Variants in DNM2 observed in about 807,000 individuals in gnomAD.
DNM2 encodes the protein dynamin 2, also known as dynamin-2.
DNM2 carries 15 observed loss-of-function variants against 99.0 expected under a neutral mutation model. The ratio of observed to expected loss-of-function variants is 0.15; its 90% CI spans 0.10 to 0.23. The LOEUF (loss-of-function observed/expected upper bound fraction) is 0.23. DNM2 is among the 10% of genes least tolerant of loss of function. The probability of loss-of-function intolerance (pLI) is 1.00; values close to 1 mark genes in which losing one functional copy is unlikely to be tolerated. For synonymous variants in DNM2, 525 were observed against 481.2 expected, an observed-to-expected ratio of 1.09 and a Z score of -1.19; for missense variants, 742 against 1,189.4, an observed-to-expected ratio of 0.62 and a Z score of 5.53.
intron 1 of DNM2, among the ~76,000 whole-genome samples, chr19:10,738,979 T>C (rs960059703): frequency 2.0e-5 from 3 of 151,706 alleles, no homozygotes; most frequent in African/African-American, 7.3e-5. Flanking sequence ...CCATCCTGGC[T>C]AACACGGTGA....
In DNM2 at chr19:10,795,516, C is replaced by A; in HGVS notation, c.1196+77C>A. The A allele has an allele frequency of 1.3e-6, 2 of 1,518,846 alleles. No individual in the cohort carries two copies. The highest frequency in any genetic ancestry group is 1.7e-5 in the Admixed American group (1 of 59,788). 94.1% of individuals were successfully genotyped at this position (1,518,846 alleles called of 1,614,324 possible). ...CCCCCAGCTAATTGGGTCACCCACA[C>A]CTCTGAGTCCCTAATCGTTAGGCCT... On this transcript the variant is annotated intron_variant, in intron 9 of 20. Coordinates refer to ENST00000389253, the MANE Select transcript of DNM2 (RefSeq NM_001005361.3). This position sits in a 1 kb window ranked among gnomAD's most constrained non-coding sequence, Gnocchi z 4.2.
intron 15 of DNM2, among the ~76,000 whole-genome samples, chr19:10,814,087 GGGAGGT>G (rs2146121066): frequency 6.6e-6 from 1 of 152,230 alleles, no homozygotes; most frequent in South Asian, 2.1e-4. Context: ...ACCGGAACCT[GGGAGGT>G]GGAGGTGGAG....
intron 6 of DNM2, among the ~76,000 whole-genome samples, chr19:10,785,787 T>C (rs1190726029): frequency 2.6e-5 from 4 of 152,150 alleles, no homozygotes; most frequent in Non-Finnish European, 4.4e-5. Context: ...TTTGCAAGTA[T>C]AGGCTGATTT....
chr19:10,739,483 A>G (rs2069659117), intron 1 of DNM2, among the ~76,000 whole-genome samples: 1 of 152,156 alleles, frequency 6.6e-6, no homozygotes, highest in Non-Finnish European at 1.5e-5. Flanking sequence ...CCAATTTTGG[A>G]TATTTCCTAT....
At chr19:10,749,273 G>A (rs1290543460) in intron 1 of DNM2, among the ~76,000 whole-genome samples, 1 of 152,240 alleles carries the variant, frequency 6.6e-6, no homozygotes, top group South Asian at 2.1e-4. Flanking sequence ...GTCAAAAGGC[G>A]CCTGGTGGAG....
chr19:10,822,563 A>G (rs1176670584), intron 16 of DNM2, among the ~76,000 whole-genome samples: 1 of 151,486 alleles, frequency 6.6e-6, no homozygotes, highest in Non-Finnish European at 1.5e-5. Flanking sequence ...CAGTGGCACA[A>G]TCTTGGCTCA....
Position 10,831,274 on chromosome 19 carries a change from C to T in DNM2, c.*227C>T. On this transcript the variant is annotated 3_prime_UTR_variant, in exon 21 of 21. Coordinates refer to ENST00000389253, the MANE Select transcript of DNM2 (RefSeq NM_001005361.3). The surrounding 1 kb of genome is among the most constrained non-coding windows in gnomAD (Gnocchi z 4.3). ...CCAGGCAGGGGGCGCTGGGGTGTTG[C>T]ACTTTGGGGGATGGAGTCTCAGGGT... 7.7e-7 allele frequency: 1 copy of T among 1,305,102 alleles called. No homozygotes were observed. Among genetic ancestry groups the T allele is most frequent in the Non-Finnish European group, 9.7e-7 (1 of 1,029,586 alleles). The allele number at this position is 1,305,102 out of a possible 1,614,324, so 80.8% of individuals were successfully genotyped here.
intron 16 of DNM2, among the ~76,000 whole-genome samples, chr19:10,822,073 C>T (rs893508119): frequency 5.3e-5 from 8 of 152,198 alleles, no homozygotes; most frequent in East Asian, 1.9e-4. Flanking sequence ...GGAAAATGTG[C>T]GTGGCATGTG....
rs562519855 is a variant in DNM2 at position 10,826,434 on chromosome 19, C to T, written c.2058+1213C>T. On this transcript the variant is annotated intron_variant, in intron 18 of 20. Coordinates refer to ENST00000389253, the MANE Select transcript of DNM2 (RefSeq NM_001005361.3). Reference sequence around the variant, plus strand: ...CAGCCTCTTCCTCATGGGCGTCACCCGCCTGGCCCCGGGTTCCCTGGAGAC... The same window carrying T: ...CAGCCTCTTCCTCATGGGCGTCACCTGCCTGGCCCCGGGTTCCCTGGAGAC... Among the ~76,000 whole-genome samples, 29 of 152,354 alleles carry T rather than the reference C, an allele frequency of 1.9e-4. No homozygotes were observed. The South Asian group carries it at 6.0e-3, about 32-fold the overall frequency.
chr19:10,734,617 C>T (rs966164645), intron 1 of DNM2, among the ~76,000 whole-genome samples: 6 of 104,610 alleles, frequency 5.7e-5, no homozygotes, highest in African/African-American at 2.4e-4. Flanking sequence ...CCAGCCCGGG[C>T]AACAGAGCCA....
chr19:10,757,943 CAAAAAA>C (rs762600168), intron 1 of DNM2, among the ~76,000 whole-genome samples: 1 of 65,434 alleles, frequency 1.5e-5, no homozygotes, highest in East Asian at 4.2e-4. Flanking sequence ...AGCTCTGTCT[CAAAAAA>C]AAAAAAAAAA....
intron 6 of DNM2, among the ~76,000 whole-genome samples, chr19:10,786,204 C>T (rs753412653): frequency 3.9e-5 from 6 of 152,186 alleles, no homozygotes; most frequent in Non-Finnish European, 8.8e-5. Flanking sequence ...GCGATCTTTC[C>T]ATCTTAGTTT....
intron 1 of DNM2, 59 bp from the exon 2 acceptor site, chr19:10,759,679 A>C (rs1270942096): frequency 1.9e-6 from 3 of 1,607,644 alleles, no homozygotes; most frequent in Non-Finnish European, 2.6e-6. Flanking sequence ...ATGTGGTCAC[A>C]CTTCCTGCCC....
rs1156557692 is a variant in DNM2 at position 10,765,357 on chromosome 19, A to G, written c.235+5546A>G. On this transcript the variant is annotated intron_variant, in intron 2 of 20. Transcript: ENST00000389253. This position sits in a 1 kb window ranked among gnomAD's most constrained non-coding sequence, Gnocchi z 4.4. ...GCCTGGCGCCGAGCAGGTGCTCCGC[A>G]TGCACGGCCGAGTGAACGAGCTCAA... Among the ~76,000 whole-genome samples the G allele has an allele frequency of 6.6e-6, 1 of 152,218 alleles. No homozygotes were observed. Among genetic ancestry groups the G allele is most frequent in the East Asian group, 1.9e-4 (1 of 5,198 alleles).
intron 9 of DNM2, 146 bp from the exon 10 acceptor site, chr19:10,797,234 G>C: frequency 8.1e-7 from 1 of 1,238,266 alleles, no homozygotes; most frequent in South Asian, 1.3e-5. Context: ...GCAGCTTCCG[G>C]GGCAAATGCG....
chr19:10,831,193 A>T lies in DNM2; in HGVS notation c.*146A>T. 7.1e-7 allele frequency: 1 copy of T among 1,401,058 alleles called. No homozygotes were observed. 86.8% of individuals were successfully genotyped at this position (1,401,058 alleles called of 1,614,324 possible). On this transcript the variant is annotated 3_prime_UTR_variant, in exon 21 of 21. Transcript: ENST00000389253. This position sits in a 1 kb window ranked among gnomAD's most constrained non-coding sequence, Gnocchi z 4.3. ...TCTTCCTTAACGCTGGCCCCGGTCCAGGGCCGGCCCCTGTGCCTGGCTGGA... is the reference window on the plus strand; with the variant it reads ...TCTTCCTTAACGCTGGCCCCGGTCCTGGGCCGGCCCCTGTGCCTGGCTGGA...
chr19:10,774,369 A>T (rs1185652981), intron 3 of DNM2, among the ~76,000 whole-genome samples: 6 of 152,210 alleles, frequency 3.9e-5, no homozygotes, highest in Non-Finnish European at 5.9e-5. Context: ...GTATCTATGT[A>T]TATGTTGTGT....
chr19:10,761,612 C>T (rs1178996481), intron 2 of DNM2, among the ~76,000 whole-genome samples: 1 of 152,138 alleles, frequency 6.6e-6, no homozygotes, highest in Admixed American at 6.6e-5. Flanking sequence ...AATACTCTCA[C>T]ACTGGGAAGG....
At chr19:10,734,991 G>T (rs1205124434) in intron 1 of DNM2, among the ~76,000 whole-genome samples, 1 of 151,636 alleles carries the variant, frequency 6.6e-6, no homozygotes, top group Non-Finnish European at 1.5e-5. Context: ...TGGGGAAGAA[G>T]GCCATTGGTG....
Sources: allele counts gnomAD v4.1 joint callset (sites outside exome capture counted in the v4.1 genomes callset), GRCh38; gene constraint gnomAD v4.1.1; non-coding constraint Gnocchi (gnomAD v3.1); transcripts MANE v1.5; gene names NCBI Gene and HGNC (gene_info 2026-07-23, HGNC 2026-07-21).